DRC8: variants seen among roughly 807,000 people sequenced by gnomAD.
DRC8 encodes dynein regulatory complex subunit 8, also known as dynein regulatory complex protein 8.
the DRC8 span, chr1:245,122,105 T>A: frequency 0.18 from 46,129 of 259,716 alleles, 6,369 homozygotes; most frequent in African/African-American, 0.44. Context: ...CACCATGGTC[T>A]GGTGACCTCC....
chr1:245,093,021 CAAAT>C, the DRC8 span, among the ~76,000 whole-genome samples: 1 of 151,922 alleles, frequency 6.6e-6, no homozygotes, highest in South Asian at 2.1e-4. Flanking sequence ...AGCTATGACA[CAAAT>C]AATTATTTAC....
At chr1:245,020,908 G>A in the DRC8 span, among the ~76,000 whole-genome samples, 1 of 151,766 alleles carries the variant, frequency 6.6e-6, no homozygotes, top group East Asian at 1.9e-4. Flanking sequence ...GGGATTACAG[G>A]CGTGAGCCAC....
At chr1:245,079,656 A>T in the DRC8 span, among the ~76,000 whole-genome samples, 1 of 152,138 alleles carries the variant, frequency 6.6e-6, no homozygotes, top group African/African-American at 2.4e-5. Context: ...TAAGCTAAAG[A>T]GGGGTTTTGG....
At chr1:245,104,374 C>CA in the DRC8 span, among the ~76,000 whole-genome samples, 3 of 151,978 alleles carry the variant, frequency 2.0e-5, no homozygotes, top group Non-Finnish European at 4.4e-5. Context: ...TGTGGTGGCG[C>CA]ATGCCTGTAA....
At chr1:245,038,161 G>A in the DRC8 span, among the ~76,000 whole-genome samples, 2 of 152,238 alleles carry the variant, frequency 1.3e-5, no homozygotes, top group East Asian at 3.9e-4. Context: ...GCAAGAATAG[G>A]CAAGAAAACT....
the DRC8 span, among the ~76,000 whole-genome samples, chr1:245,069,974 G>T: frequency 6.6e-6 from 1 of 152,194 alleles, no homozygotes; most frequent in Non-Finnish European, 1.5e-5. Context: ...TTGCCCAGGA[G>T]TTCAAGGCTG....
At chr1:245,119,913 AC>A in the DRC8 span, among the ~76,000 whole-genome samples, 16 of 151,726 alleles carry the variant, frequency 1.1e-4, no homozygotes, top group Admixed American at 9.2e-4. Flanking sequence ...AGCCTGGGCA[AC>A]AGAGCGAGAC....
the DRC8 span, among the ~76,000 whole-genome samples, chr1:244,971,980 A>G: frequency 4.1e-5 from 6 of 145,042 alleles, no homozygotes; most frequent in African/African-American, 1.5e-4. Context: ...AAAAAAAGCC[A>G]TTAGGAGATA....
the DRC8 span, chr1:245,017,349 G>A: frequency 6.6e-7 from 1 of 1,523,984 alleles, no homozygotes; most frequent in South Asian, 1.3e-5. Flanking sequence ...TTTTTTTTTT[G>A]TTACACTTTT....
At chr1:244,995,482 C>T in the DRC8 span, among the ~76,000 whole-genome samples, 4 of 152,116 alleles carry the variant, frequency 2.6e-5, no homozygotes, top group African/African-American at 4.8e-5. Flanking sequence ...CCTCACCTTC[C>T]CGAGTAGCAA....
chr1:244,991,394 T>C, the DRC8 span, among the ~76,000 whole-genome samples: 1 of 152,180 alleles, frequency 6.6e-6, no homozygotes, highest in Non-Finnish European at 1.5e-5. Flanking sequence ...GGTTCCATTA[T>C]GTAGGCATGG....
the DRC8 span, among the ~76,000 whole-genome samples, chr1:245,088,197 C>T: frequency 6.6e-6 from 1 of 152,162 alleles, no homozygotes; most frequent in African/African-American, 2.4e-5. This position sits in a 1 kb window ranked among gnomAD's most constrained non-coding sequence, Gnocchi z 4.6. Flanking sequence ...CTCCTCCTTG[C>T]AATTCTCTCC....
the DRC8 span, among the ~76,000 whole-genome samples, chr1:245,076,147 G>T: frequency 6.6e-6 from 1 of 152,218 alleles, no homozygotes; most frequent in South Asian, 2.1e-4. Context: ...GGGTCGGGGA[G>T]GATGTGCCTG....
the DRC8 span, among the ~76,000 whole-genome samples, chr1:245,092,660 A>G: frequency 6.6e-6 from 1 of 152,308 alleles, no homozygotes; most frequent in East Asian, 1.9e-4. Context: ...GGAAACTTAT[A>G]TTTTTAATAT....
the DRC8 span, among the ~76,000 whole-genome samples, chr1:245,055,434 C>T: frequency 6.6e-6 from 1 of 152,190 alleles, no homozygotes; most frequent in Non-Finnish European, 1.5e-5. Flanking sequence ...ATCCTGCCAT[C>T]TCTGTCTCCT....
the DRC8 span, chr1:245,107,425 G>T: frequency 0.59 from 90,515 of 152,334 alleles, 28,863 homozygotes; most frequent in South Asian, 0.72. Flanking sequence ...CGTGCACCCC[G>T]GGTCCTTCTG....
chr1:245,006,512 C>T, the DRC8 span, among the ~76,000 whole-genome samples: 2 of 151,992 alleles, frequency 1.3e-5, no homozygotes, highest in African/African-American at 4.8e-5. Context: ...ATCATGTTGG[C>T]CAGGCTGGTT....
chr1:244,974,106 A>G, the DRC8 span, among the ~76,000 whole-genome samples: 1 of 152,280 alleles, frequency 6.6e-6, no homozygotes, highest in Admixed American at 6.5e-5. Context: ...TTGAAGGTTT[A>G]TTATTTTTCC....
the DRC8 span, among the ~76,000 whole-genome samples, chr1:245,096,076 A>T: frequency 6.6e-6 from 1 of 152,248 alleles, no homozygotes; most frequent in African/African-American, 2.4e-5. Context: ...TCCAGGAAGC[A>T]CCAAATTGGA....
Sources: allele counts gnomAD v4.1 joint callset (sites outside exome capture counted in the v4.1 genomes callset), GRCh38; gene constraint gnomAD v4.1.1; non-coding constraint Gnocchi (gnomAD v3.1); transcripts MANE v1.5; gene names NCBI Gene and HGNC (gene_info 2026-07-23, HGNC 2026-07-21).